The following SREBF2 variants were observed in gnomAD, a reference collection of about 807,000 sequenced individuals.
The protein encoded by SREBF2 is sterol regulatory element binding transcription factor 2.
Under a neutral mutation model 113.1 loss-of-function variants are expected in SREBF2, and 55 were observed. That is an observed-to-expected ratio of 0.49 (90% CI 0.39 to 0.61). The LOEUF is 0.61. Ranked by LOEUF, SREBF2 falls within the 20% of genes least tolerant of loss-of-function variation. SREBF2 has a pLI of 0.00. For synonymous variants in SREBF2, 593 were observed against 605.7 expected (o/e 0.98, Z 0.31); for missense variants, 1,349 against 1,487.4 (o/e 0.91, Z 1.53).
chr22:41,889,627 G>A (rs1187863231), intron 11 of SREBF2, among the ~76,000 whole-genome samples: 1 of 151,444 alleles, frequency 6.6e-6, no homozygotes, highest in African/African-American at 2.4e-5. Flanking sequence ...TGAGGCTGCA[G>A]TTAGCTATGG....
At position 41,884,929 on chromosome 22, in the gene SREBF2, C is replaced by T; in HGVS notation, c.2126C>T (p.Pro709Leu). ...NLAECAEEKIPPSTLVEIHLT... is the reference protein window; with the variant it reads ...NLAECAEEKILPSTLVEIHLT... The stretch of plus-strand genomic sequence containing the variant: ...GCTGAATGTGCAGAGGAGAAGATCC[C>T]ACCGAGCACACTGGTTGAGATCCAT... Residue 709 changes from proline (P) to leucine (L), a missense_variant, in exon 11 of 19, where the codon CCA (proline) becomes CTA (leucine). Physicochemically the swap from Pro to Leu is moderately conservative, Grantham distance 98. Around this residue, in one of 2 missense-constraint regions of SREBF2, gnomAD observed 650 missense variants for 644.1 expected, o/e 1.01. Transcript: ENST00000361204. 9 of 1,614,186 alleles carry T rather than the reference C, an allele frequency of 5.6e-6. No individual in the cohort carries two copies. Among genetic ancestry groups the T allele is most frequent in the African/African-American group, 1.3e-5 (1 of 75,048 alleles).
rs888327732 is a variant in SREBF2 at position 41,833,914 on chromosome 22, A to G, written c.88+556A>G. ...CTGCAGAAGCAAGTTGCTGATGAAG[A>G]GAGCAGTGGCGGCGGAGTGTGGACA... On this transcript the variant is annotated intron_variant, in intron 1 of 18. Transcript: ENST00000361204. The surrounding 1 kb of genome is among the most constrained non-coding windows in gnomAD (Gnocchi z 4.1). 2.0e-5 allele frequency: 3 copies of G among 152,840 alleles called. No individual in the cohort carries two copies. Among genetic ancestry groups the G allele is most frequent in the Non-Finnish European group, 4.4e-5 (3 of 68,162 alleles). 9.5% of individuals were successfully genotyped at this position (152,840 alleles called of 1,614,324 possible). A position where few individuals can be genotyped will look rare whatever the true frequency, so the allele number is the denominator to read the frequency against.
chr22:41,893,115 A>G lies in SREBF2; in HGVS notation c.2209-2A>G. Reference sequence around the variant, plus strand: ...TTACCCCTGGTCCTTGTCCTTCCACAGAGCTACTTCCTCAGCCGAGCCCAG... The same window carrying G: ...TTACCCCTGGTCCTTGTCCTTCCACGGAGCTACTTCCTCAGCCGAGCCCAG... On this transcript the variant is annotated splice_acceptor_variant, in intron 11 of 18. Coordinates refer to ENST00000361204, the MANE Select transcript of SREBF2 (RefSeq NM_004599.4). LOFTEE classifies it high-confidence loss of function. 6.2e-7 allele frequency: 1 copy of G among 1,613,228 alleles called. No homozygotes were observed. Among genetic ancestry groups the G allele is most frequent in the Non-Finnish European group, 8.5e-7 (1 of 1,180,016 alleles).
chr22:41,905,348 T>G, intron 18 of SREBF2, 92 bp from the exon 19 acceptor site: 2 of 1,239,700 alleles, frequency 1.6e-6, no homozygotes, highest in Non-Finnish European at 2.3e-6. Context: ...AGGATGGATG[T>G]GAGCGTTCAG....
chr22:41,880,397 CAAAA>C (rs58272168), intron 9 of SREBF2, among the ~76,000 whole-genome samples: 4 of 87,622 alleles, frequency 4.6e-5, no homozygotes, highest in African/African-American at 1.3e-4. Flanking sequence ...ACTAAAAATA[CAAAA>C]AAAAAAAAAA....
intron 16 of SREBF2, chr22:41,900,873 C>T (rs547105813): frequency 4.1e-5 from 21 of 512,590 alleles, no homozygotes; most frequent in South Asian, 9.0e-5. Flanking sequence ...CCTGCCCCCT[C>T]GGGCACACAA....
intron 14 of SREBF2, 67 bp downstream of exon 14, chr22:41,897,228 C>A: frequency 9.7e-7 from 1 of 1,030,768 alleles, no homozygotes; most frequent in South Asian, 1.4e-5. Context: ...GCTTTTGCCC[C>A]AGGGGTCCAG....
In SREBF2 at chr22:41,877,392, C is replaced by G; in HGVS notation, c.1550C>G (p.Ser517Cys). 1 of 1,614,238 alleles carries G rather than the reference C, an allele frequency of 6.2e-7. No homozygotes were observed. The highest frequency in any genetic ancestry group is 8.5e-7 in the Non-Finnish European group (1 of 1,180,036). Residue 517 changes from serine to cysteine, a missense_variant, in exon 8 of 19, where the codon TCT becomes TGT. Coordinates refer to ENST00000361204, the MANE Select transcript of SREBF2 (RefSeq NM_004599.4). ...TCTGACCAGCACCCACACTCAGGCT[C>G]TGGCCGCAGTGTCCTGTCATTCGAG... The part of the protein sequence containing the change: ...HDSDQHPHSG[S>C]GRSVLSFESG...
rs1186178794 is a variant in SREBF2 at position 41,900,434 on chromosome 22, C to G, written c.2843C>G (p.Ala948Gly). 4 of 1,613,898 alleles carry G rather than the reference C, an allele frequency of 2.5e-6. No homozygotes were observed. Among genetic ancestry groups the G allele is most frequent in the Admixed American group, 1.7e-5 (1 of 60,026 alleles). The stretch of plus-strand genomic sequence containing the variant: ...AGTTCCTTCTGCCATTGCGAGAGGG[C>G]CAGTGGCCACCTATGGAGCAGCCTC... ...QQSSFCHCER[A>G]SGHLWSSLNV... is the part of the protein sequence containing the mutation. The change falls in exon 16 of 19, where the codon GCC becomes GGC. Residue 948 changes from alanine (A) to glycine (G), a missense_variant. By Grantham distance (60) the Ala-to-Gly change is moderately conservative. Around this residue, in one of 2 missense-constraint regions of SREBF2, gnomAD observed 650 missense variants for 644.1 expected, o/e 1.01. Transcript: ENST00000361204.
chr22:41,836,126 A>G (rs2076772242), intron 1 of SREBF2, among the ~76,000 whole-genome samples: 2 of 152,246 alleles, frequency 1.3e-5, no homozygotes, highest in Non-Finnish European at 2.9e-5. Flanking sequence ...ATAACAGTGC[A>G]TAAGGCTTTT....
intron 12 of SREBF2, 38 bp from the exon 13 acceptor site, chr22:41,894,782 G>A: frequency 6.4e-7 from 1 of 1,570,206 alleles, no homozygotes; most frequent in Non-Finnish European, 8.8e-7. Context: ...GCTCATAAAT[G>A]AGCTCCATTT....
chr22:41,876,371 ATACTT>A (rs1396341687), intron 7 of SREBF2, among the ~76,000 whole-genome samples: 1 of 152,220 alleles, frequency 6.6e-6, no homozygotes, highest in Non-Finnish European at 1.5e-5. Context: ...ATTGTATCAT[ATACTT>A]AATTTTACTA....
At chr22:41,837,120 T>C (rs78604948) in intron 1 of SREBF2, among the ~76,000 whole-genome samples, 138 of 152,328 alleles carry the variant, frequency 9.1e-4, no homozygotes, top group Non-Finnish European at 1.7e-3. Context: ...GGCAGGGCAC[T>C]GTGAGCAAAA....
Position 41,884,964 on chromosome 22 carries a change from G to A in SREBF2, c.2161G>A (p.Ala721Thr). 1 of 1,614,208 alleles carries A rather than the reference G, an allele frequency of 6.2e-7. No individual in the cohort carries two copies. The highest frequency in any genetic ancestry group is 8.5e-7 in the Non-Finnish European group (1 of 1,180,048). The change falls in exon 11 of 19, where the codon GCC becomes ACC. Residue 721 changes from alanine (A) to threonine (T), a missense_variant. Physicochemically the swap from Ala to Thr is moderately conservative, Grantham distance 58 (BLOSUM62 0). Transcript: ENST00000361204. ...STLVEIHLTA[A>T]MGLKTRCGGK... ...ACTGGTTGAGATCCATCTGACTGCT[G>A]CCATGGGGCTCAAGACCCGGTGTGG...
At chr22:41,836,512 A>G (rs775896786) in intron 1 of SREBF2, among the ~76,000 whole-genome samples, 2 of 152,262 alleles carry the variant, frequency 1.3e-5, no homozygotes, top group African/African-American at 2.4e-5. Flanking sequence ...TGGTCTGAAG[A>G]TAAAATTATC....
chr22:41,884,884 C>G lies in SREBF2; in HGVS notation c.2081C>G (p.Ala694Gly). ...TCCGCCTGTTCCGATGTACACATGGCGTTGTGTGCCGTGAACCTGGCTGAA... is the reference window on the plus strand; with the variant it reads ...TCCGCCTGTTCCGATGTACACATGGGGTTGTGTGCCGTGAACCTGGCTGAA... ...AGSACSDVHMALCAVNLAECA... is the reference protein window; with the variant it reads ...AGSACSDVHMGLCAVNLAECA... The change falls in exon 11 of 19, where the codon GCG becomes GGG. Residue 694 changes from alanine (A) to glycine (G), a missense_variant. Transcript: ENST00000361204. The G allele has an allele frequency of 6.2e-7, 1 of 1,614,218 alleles. No individual in the cohort carries two copies. Among genetic ancestry groups the G allele is most frequent in the South Asian group, 1.1e-5 (1 of 91,078 alleles).
intron 1 of SREBF2, among the ~76,000 whole-genome samples, chr22:41,854,774 C>T (rs1177097328): frequency 6.6e-6 from 1 of 151,834 alleles, no homozygotes; most frequent in Non-Finnish European, 1.5e-5. Context: ...GAGCCTGAGG[C>T]TTGAGAATTG....
Position 41,903,161 on chromosome 22 carries a change from G to T in SREBF2, c.3093+6G>T, listed in dbSNP as rs1460273218. 1.1e-5 allele frequency: 17 copies of T among 1,549,500 alleles called. No homozygotes were observed. Among genetic ancestry groups the T allele is most frequent in the Non-Finnish European group, 1.3e-5 (15 of 1,147,294 alleles). On this transcript the variant is annotated splice_donor_region_variant and intron_variant, in intron 17 of 18. Transcript: ENST00000361204. Reference sequence around the variant, plus strand: ...TCCGCCCAGCATACCGCAAGGTGAGGCCCAGCTGGCTGGTGGGGCAGGGCA... The same window carrying T: ...TCCGCCCAGCATACCGCAAGGTGAGTCCCAGCTGGCTGGTGGGGCAGGGCA...
intron 1 of SREBF2, among the ~76,000 whole-genome samples, chr22:41,860,915 T>C (rs1243022042): frequency 6.6e-6 from 1 of 152,026 alleles, no homozygotes; most frequent in Non-Finnish European, 1.5e-5. Flanking sequence ...CTGAAAAATT[T>C]AAAGCAATTT....
Sources: allele counts gnomAD v4.1 joint callset (sites outside exome capture counted in the v4.1 genomes callset), GRCh38; gene constraint gnomAD v4.1.1; regional missense constraint gnomAD v4.1.1; non-coding constraint Gnocchi (gnomAD v3.1); transcripts MANE v1.5; gene names NCBI Gene and HGNC (gene_info 2026-07-23, HGNC 2026-07-21).